TMTC1: variants seen among roughly 807,000 people sequenced by gnomAD.
TMTC1 encodes protein O-mannosyl-transferase TMTC1.
A neutral mutation model predicts 104.8 loss-of-function variants in TMTC1; 73 were observed. That is an observed-to-expected ratio of 0.70 (90% CI 0.58 to 0.85). The LOEUF (loss-of-function observed/expected upper bound fraction) is 0.85, where lower values mean the gene tolerates loss of function less well. Among genes scored for constraint, TMTC1 ranks in the 40% least tolerant of loss-of-function variants. TMTC1 has a pLI of 0.00. For synonymous variants in TMTC1, 434 were observed against 428.7 expected (o/e 1.01, Z -0.15); for missense variants, 1,035 against 1,096.1 (o/e 0.94, Z 0.79).
At chr12:29,544,606 C>T (rs1045368880) in intron 10 of TMTC1, among the ~76,000 whole-genome samples, 3 of 152,226 alleles carry the variant, frequency 2.0e-5, no homozygotes, top group African/African-American at 7.2e-5. Context: ...GTGCCTTCCT[C>T]TGCATCTGCA....
At chr12:29,772,781 C>T (rs921061363) in intron 1 of TMTC1, among the ~76,000 whole-genome samples, 1 of 152,116 alleles carries the variant, frequency 6.6e-6, no homozygotes, top group Non-Finnish European at 1.5e-5. Flanking sequence ...CTATATCACC[C>T]TGAATGTACC....
intron 5 of TMTC1, among the ~76,000 whole-genome samples, chr12:29,710,872 T>C (rs1941893623): frequency 7.4e-6 from 1 of 136,024 alleles, no homozygotes; most frequent in Non-Finnish European, 1.5e-5. Context: ...AATTATATTA[T>C]TATAAATTAT....
chr12:29,601,791 A>G (rs1381533498), intron 7 of TMTC1, among the ~76,000 whole-genome samples: 1 of 151,968 alleles, frequency 6.6e-6, no homozygotes, highest in African/African-American at 2.4e-5. Context: ...GTATTTATTG[A>G]CCATATATAA....
chr12:29,654,792 T>G (rs1221939783), intron 5 of TMTC1, among the ~76,000 whole-genome samples: 2 of 151,964 alleles, frequency 1.3e-5, no homozygotes, highest in Non-Finnish European at 2.9e-5. Flanking sequence ...AGGAATCAAG[T>G]ATTGACATAT....
At chr12:29,632,414 T>G (rs1005231239) in intron 6 of TMTC1, among the ~76,000 whole-genome samples, 1 of 152,188 alleles carries the variant, frequency 6.6e-6, no homozygotes, top group Non-Finnish European at 1.5e-5. Context: ...ATGGGGGCAG[T>G]TTCCCCCATT....
In TMTC1 at chr12:29,581,262, T is replaced by C. The variant is rs542493853; in HGVS notation, c.1418+2145A>G. Among the ~76,000 whole-genome samples, 10 of 152,370 alleles carry C rather than the reference T, an allele frequency of 6.6e-5. No individual in the cohort carries two copies. In the South Asian group the frequency reaches 2.1e-3, roughly 32 times the overall value. On this transcript the variant is annotated intron_variant, in intron 8 of 17. Coordinates refer to ENST00000539277, the MANE Select transcript of TMTC1 (RefSeq NM_001193451.2). ...ACAAATGAATTCATAAAAACATCTGTTCTGGCCTTGAAGGAAAAAGAACAG... is the reference window on the plus strand; with the variant it reads ...ACAAATGAATTCATAAAAACATCTGCTCTGGCCTTGAAGGAAAAAGAACAG...
chr12:29,641,894 A>T (rs1167062492), intron 5 of TMTC1, among the ~76,000 whole-genome samples: 1 of 152,212 alleles, frequency 6.6e-6, no homozygotes, highest in Non-Finnish European at 1.5e-5. Flanking sequence ...CTTAAGAAAA[A>T]GCAATCAAAA....
chr12:29,516,778 A>G (rs1233797413), intron 14 of TMTC1, among the ~76,000 whole-genome samples: 2 of 152,210 alleles, frequency 1.3e-5, no homozygotes, highest in Admixed American at 6.5e-5. Flanking sequence ...AAGAGAAAGA[A>G]TTTCCTCTGA....
chr12:29,783,085 G>C lies in TMTC1; in HGVS notation c.302+365C>G. On this transcript the variant is annotated intron_variant, in intron 1 of 17. Coordinates refer to ENST00000539277, the MANE Select transcript of TMTC1 (RefSeq NM_001193451.2). The surrounding 1 kb of genome is among the most constrained non-coding windows in gnomAD (Gnocchi z 4.7). Reference sequence around the variant, plus strand: ...CATCGCCACCACCGCCACCCCTCCGGAACCCTCTGGGTCCGCGCTAGTCCC... The same window carrying C: ...CATCGCCACCACCGCCACCCCTCCGCAACCCTCTGGGTCCGCGCTAGTCCC... 1 of 236,932 alleles carries C rather than the reference G, an allele frequency of 4.2e-6. No homozygotes were observed. The highest frequency in any genetic ancestry group is 8.1e-6 in the Non-Finnish European group (1 of 123,428). 14.7% of individuals were successfully genotyped at this position (236,932 alleles called of 1,614,324 possible). A position where few individuals can be genotyped will look rare whatever the true frequency, so the allele number is the denominator to read the frequency against.
chr12:29,735,530 GAATT>G (rs1942649304), intron 5 of TMTC1, among the ~76,000 whole-genome samples: 1 of 152,142 alleles, frequency 6.6e-6, no homozygotes, highest in Non-Finnish European at 1.5e-5. Flanking sequence ...ATATTCTGCA[GAATT>G]ATTTATTGGA....
chr12:29,710,488 C>T (rs894144590), intron 5 of TMTC1, among the ~76,000 whole-genome samples: 1 of 148,890 alleles, frequency 6.7e-6, no homozygotes, highest in Non-Finnish European at 1.5e-5. Context: ...CTACCTGAAC[C>T]TTTAGAAGAT....
At chr12:29,535,024 C>T (rs1436405818) in intron 11 of TMTC1, 1 of 152,162 alleles carries the variant, frequency 6.6e-6, no homozygotes, top group Non-Finnish European at 1.5e-5. Context: ...AAGAGAAGTG[C>T]TGCAGGAACA....
chr12:29,767,899 G>C lies in TMTC1; in HGVS notation c.479C>G (p.Ala160Gly), dbSNP rs779339155. Residue 160 changes from alanine to glycine, a missense_variant and splice_region_variant, in exon 2 of 18, where the codon GCG becomes GGG. Transcript: ENST00000539277. The part of the protein sequence containing the change: ...LFAVHPIHTE[A>G]VAGIVGRADV... ...TCACTGAGATCCAATTACACTTACC[G>C]CCTCAGTATGAATAGGATGTACAGC... 1 of 1,612,922 alleles carries C rather than the reference G, an allele frequency of 6.2e-7. No individual in the cohort carries two copies. Among genetic ancestry groups the C allele is most frequent in the Non-Finnish European group, 8.5e-7 (1 of 1,179,514 alleles).
chr12:29,629,092 G>A (rs1001299002), intron 6 of TMTC1, among the ~76,000 whole-genome samples: 1 of 152,002 alleles, frequency 6.6e-6, no homozygotes, highest in African/African-American at 2.4e-5. Flanking sequence ...GGCCGAGGCA[G>A]GTGGATCACG....
intron 11 of TMTC1, among the ~76,000 whole-genome samples, chr12:29,522,821 A>G (rs1278241734): frequency 1.3e-5 from 2 of 152,190 alleles, no homozygotes; most frequent in East Asian, 1.9e-4. Context: ...ATGTGCCCCA[A>G]CTGTAAATCA....
At chr12:29,670,100 C>G (rs1212188372) in intron 5 of TMTC1, among the ~76,000 whole-genome samples, 1 of 152,212 alleles carries the variant, frequency 6.6e-6, no homozygotes, top group Admixed American at 6.5e-5. Flanking sequence ...ACTTGCAATA[C>G]ACATTTGTGT....
chr12:29,725,088 T>C (rs1382985371), intron 5 of TMTC1, among the ~76,000 whole-genome samples: 1 of 145,326 alleles, frequency 6.9e-6, no homozygotes, highest in African/African-American at 2.6e-5. Flanking sequence ...TGGCATGATT[T>C]CGGCTCACTG....
At chr12:29,716,938 C>T (rs1471893870) in intron 5 of TMTC1, among the ~76,000 whole-genome samples, 1 of 152,092 alleles carries the variant, frequency 6.6e-6, no homozygotes, top group Admixed American at 6.5e-5. Flanking sequence ...TGGCGTGAAC[C>T]TGGGAGGTGG....
At chr12:29,588,035 C>G (rs916448722) in intron 7 of TMTC1, among the ~76,000 whole-genome samples, 27 of 152,160 alleles carry the variant, frequency 1.8e-4, no homozygotes, top group Non-Finnish European at 4.0e-4. Flanking sequence ...TTGGAGCTCT[C>G]ATTTCTTTCT....
Sources: gnomAD v4.1 joint callset for allele counts (sites outside exome capture counted in the v4.1 genomes callset) on GRCh38, gnomAD v4.1.1 for gene constraint, Gnocchi (gnomAD v3.1) non-coding constraint, MANE v1.5 for transcripts, NCBI Gene and HGNC (gene_info 2026-07-23, HGNC 2026-07-21) for gene names.